RBFOX1: variants seen among roughly 807,000 people sequenced by gnomAD.
RBFOX1 encodes the protein RNA binding fox-1 homolog 1.
RBFOX1 carries 8 observed loss-of-function variants against 57.7 expected under a neutral mutation model. The ratio of observed to expected loss-of-function variants is 0.14; its 90% CI spans 0.08 to 0.25. RBFOX1 has a LOEUF of 0.25. Ranked by LOEUF, RBFOX1 falls within the 10% of genes least tolerant of loss-of-function variation. The pLI is 1.00. For synonymous variants in RBFOX1, 326 were observed against 222.4 expected, an observed-to-expected ratio of 1.47 and a Z score of -4.15; for missense variants, 611 against 548.5, an observed-to-expected ratio of 1.11 and a Z score of -1.14.
intron 3 of RBFOX1, among the ~76,000 whole-genome samples, chr16:6,822,301 T>C (rs2091443512): frequency 6.6e-6 from 1 of 152,160 alleles, no homozygotes; most frequent in Non-Finnish European, 1.5e-5. Flanking sequence ...CCATTATTCT[T>C]TGTTGGACAT....
chr16:7,701,909 G>A (rs1484998136), intron 14 of RBFOX1, among the ~76,000 whole-genome samples: 6 of 152,122 alleles, frequency 3.9e-5, no homozygotes, highest in African/African-American at 1.4e-4. Flanking sequence ...TTTCAGGAGG[G>A]TTTCTCCCTG....
At chr16:5,609,951 A>G (rs963848132) in intron 3 of RBFOX1, among the ~76,000 whole-genome samples, 1 of 152,104 alleles carries the variant, frequency 6.6e-6, no homozygotes, top group Non-Finnish European at 1.5e-5. Flanking sequence ...TTCAAATATT[A>G]TCTTCTCTGC....
chr16:7,151,228 C>G (rs1048183997), intron 4 of RBFOX1, among the ~76,000 whole-genome samples: 1 of 152,212 alleles, frequency 6.6e-6, no homozygotes, highest in Non-Finnish European at 1.5e-5. Context: ...AAAAGTCACT[C>G]ATAGAATGGG....
chr16:6,684,575 C>T (rs912563811), intron 3 of RBFOX1, among the ~76,000 whole-genome samples: 5 of 152,196 alleles, frequency 3.3e-5, no homozygotes, highest in Admixed American at 3.3e-4. Context: ...GCAATCCCCT[C>T]TGTCCTTGAA....
chr16:5,493,423 A>G (rs1330635285), intron 2 of RBFOX1, among the ~76,000 whole-genome samples: 1 of 152,134 alleles, frequency 6.6e-6, no homozygotes, highest in Non-Finnish European at 1.5e-5. Flanking sequence ...CTCCTGTGAA[A>G]AAGGCCTACC....
At chr16:6,395,267 A>G (rs1202671024) in intron 2 of RBFOX1, among the ~76,000 whole-genome samples, 2 of 152,308 alleles carry the variant, frequency 1.3e-5, no homozygotes, top group Middle Eastern at 3.4e-3. Flanking sequence ...TTTGTCATAG[A>G]CGTGGTGGAA....
chr16:6,934,612 A>G (rs1597664360), intron 3 of RBFOX1, among the ~76,000 whole-genome samples: 3 of 152,190 alleles, frequency 2.0e-5, no homozygotes, highest in Non-Finnish European at 4.4e-5. Context: ...ATGGAACTGG[A>G]GGTCATTGTG....
At chr16:6,656,613 C>CACACAG (rs1395312602) in intron 3 of RBFOX1, among the ~76,000 whole-genome samples, 1 of 151,080 alleles carries the variant, frequency 6.6e-6, no homozygotes, top group Non-Finnish European at 1.5e-5. Context: ...CACACACACA[C>CACACAG]ACACACACAC....
At chr16:5,400,620 A>T (rs530163788) in intron 1 of RBFOX1, among the ~76,000 whole-genome samples, 2 of 152,288 alleles carry the variant, frequency 1.3e-5, no homozygotes, top group East Asian at 3.9e-4. Flanking sequence ...ATTCCATATT[A>T]TGCCTGGGCC....
At chr16:6,228,605 A>C (rs1221885996) in intron 1 of RBFOX1, among the ~76,000 whole-genome samples, 2 of 152,234 alleles carry the variant, frequency 1.3e-5, no homozygotes, top group Admixed American at 6.5e-5. Context: ...TATGGAATCT[A>C]ACAGAGTGAG....
upstream of RBFOX1, among the ~76,000 whole-genome samples, chr16:6,017,513 A>G (rs2095002583): frequency 6.6e-6 from 1 of 152,202 alleles, no homozygotes; most frequent in South Asian, 2.1e-4. Flanking sequence ...TGAGACTAGT[A>G]TAAAGAAAAA....
At position 6,875,976 on chromosome 16, in the gene RBFOX1, C is replaced by T. The variant is rs952179003; in HGVS notation, c.-15-176081C>T. 3.9e-5 allele frequency among the ~76,000 whole-genome samples: 6 copies of T among 151,958 alleles called. No individual in the cohort carries two copies. The East Asian group carries it at 7.8e-4, about 20-fold the overall frequency. On this transcript the variant is annotated intron_variant, in intron 3 of 15. Coordinates refer to ENST00000550418, the MANE Select transcript of RBFOX1 (RefSeq NM_018723.4). ...TTATGTCACTGCACTTCAGCCTGGGCAACACAGTGGAACTTGTCTCAAAAA... is the reference window on the plus strand; with the variant it reads ...TTATGTCACTGCACTTCAGCCTGGGTAACACAGTGGAACTTGTCTCAAAAA...
chr16:6,685,700 A>C (rs888388799), intron 3 of RBFOX1, among the ~76,000 whole-genome samples: 1 of 152,124 alleles, frequency 6.6e-6, no homozygotes, highest in Non-Finnish European at 1.5e-5. Context: ...AAGGAGAAAA[A>C]CAAGATGGCC....
chr16:6,194,527 A>G (rs148174434), intron 1 of RBFOX1, among the ~76,000 whole-genome samples: 1 of 151,934 alleles, frequency 6.6e-6, no homozygotes. Context: ...GCCTGTACTC[A>G]TTTCTCTGTC....
chr16:6,895,367 C>G (rs951028750), intron 3 of RBFOX1, among the ~76,000 whole-genome samples: 1 of 147,046 alleles, frequency 6.8e-6, no homozygotes, highest in Non-Finnish European at 1.5e-5. Context: ...GATAGGAGAA[C>G]TAACTGGTTT....
chr16:7,221,350 T>G (rs907275532), intron 4 of RBFOX1, among the ~76,000 whole-genome samples: 5 of 149,824 alleles, frequency 3.3e-5, no homozygotes, highest in Non-Finnish European at 7.4e-5. Context: ...TTTGATTATT[T>G]ATTTATTTAT....
chr16:6,332,823 T>A (rs1451175433), intron 2 of RBFOX1, among the ~76,000 whole-genome samples: 1 of 152,162 alleles, frequency 6.6e-6, no homozygotes, highest in South Asian at 2.1e-4. Flanking sequence ...GAAGGGTAGA[T>A]GAAAGGTGTT....
At chr16:5,344,908 C>T (rs1385956640) in intron 1 of RBFOX1, among the ~76,000 whole-genome samples, 1 of 152,150 alleles carries the variant, frequency 6.6e-6, no homozygotes, top group East Asian at 1.9e-4. Context: ...CATGTTTTTG[C>T]CTCTATCTAT....
intron 1 of RBFOX1, among the ~76,000 whole-genome samples, chr16:5,390,901 A>T (rs1328737933): frequency 6.6e-6 from 1 of 152,202 alleles, no homozygotes; most frequent in Non-Finnish European, 1.5e-5. Flanking sequence ...GAAGCAGAGC[A>T]TAGGCTTGGA....
Sources: allele counts gnomAD v4.1 joint callset (sites outside exome capture counted in the v4.1 genomes callset), GRCh38; gene constraint gnomAD v4.1.1; transcripts MANE v1.5; gene names NCBI Gene and HGNC (gene_info 2026-07-23, HGNC 2026-07-21).